The following RBFOX2 variants were observed in gnomAD, a reference collection of about 807,000 sequenced individuals.
The protein encoded by RBFOX2 is RNA binding protein fox-1 homolog 2.
RBFOX2 carries 10 observed loss-of-function variants against 49.1 expected under a neutral mutation model. The ratio of observed to expected loss-of-function variants is 0.20; its 90% CI spans 0.13 to 0.35. The LOEUF (loss-of-function observed/expected upper bound fraction) is 0.35, where lower values mean the gene tolerates loss of function less well. Among genes scored for constraint, RBFOX2 ranks in the 10% least tolerant of loss-of-function variants. RBFOX2 has a pLI of 1.00. For missense variants in RBFOX2, 323 were observed against 486.9 expected, an observed-to-expected ratio of 0.66 and a Z score of 3.17; for synonymous variants, 183 against 187.4, an observed-to-expected ratio of 0.98 and a Z score of 0.19.
At chr22:35,982,286 G>A (rs888952792) in intron 1 of RBFOX2, among the ~76,000 whole-genome samples, 6 of 152,110 alleles carry the variant, frequency 3.9e-5, no homozygotes, top group African/African-American at 1.4e-4. Context: ...TCTTTCTACT[G>A]TTTAAAACAC....
intron 1 of RBFOX2, among the ~76,000 whole-genome samples, chr22:35,892,274 G>A (rs1463376225): frequency 1.3e-5 from 2 of 152,152 alleles, no homozygotes; most frequent in Admixed American, 1.3e-4. Context: ...AAATGGCAGG[G>A]GTGGGATTTA....
intron 2 of RBFOX2, among the ~76,000 whole-genome samples, chr22:35,784,534 G>A (rs1193524339): frequency 6.6e-6 from 1 of 152,376 alleles, no homozygotes; most frequent in South Asian, 2.1e-4. Context: ...CAGGGAGGCA[G>A]GCAGGCAGTC....
At chr22:35,823,297 G>T (rs2148496212) in intron 1 of RBFOX2, among the ~76,000 whole-genome samples, 1 of 152,312 alleles carries the variant, frequency 6.6e-6, no homozygotes. Flanking sequence ...GCTCCCATGG[G>T]TTCCCCCTGG....
intron 4 of RBFOX2, 128 bp from the exon 6 acceptor site, chr22:35,768,477 A>G (rs748114851): frequency 2.5e-5 from 19 of 762,454 alleles, no homozygotes; most frequent in East Asian, 5.3e-5. Flanking sequence ...ATAATCTCCC[A>G]AAGTCACATT....
chr22:35,808,766 T>C (rs923245323), intron 2 of RBFOX2, among the ~76,000 whole-genome samples: 2 of 152,136 alleles, frequency 1.3e-5, no homozygotes, highest in South Asian at 4.1e-4. Context: ...GGAGGATCAC[T>C]TGAGCCCAGG....
chr22:35,746,659 C>T (rs776664547), intron 9 of RBFOX2, 98 bp from the exon 12 acceptor site: 62 of 590,672 alleles, frequency 1.0e-4, no homozygotes, highest in South Asian at 5.7e-4. Flanking sequence ...CACATGTAGA[C>T]ACAGGGACTG....
At chr22:36,018,961 G>C (rs1303964006) in intron 1 of RBFOX2, among the ~76,000 whole-genome samples, 1 of 152,078 alleles carries the variant, frequency 6.6e-6, no homozygotes, top group South Asian at 2.1e-4. Flanking sequence ...CTGGAGAGCG[G>C]GTTTGAAGAG....
chr22:35,930,959 A>C (rs1282024685), intron 1 of RBFOX2, among the ~76,000 whole-genome samples: 3 of 152,268 alleles, frequency 2.0e-5, no homozygotes, highest in Non-Finnish European at 4.4e-5. Context: ...CATGGCAGTG[A>C]GCAGCAGAAG....
At chr22:35,744,390 G>T in intron 11 of RBFOX2, 141 bp from the exon 14 acceptor site, 1 of 743,284 alleles carries the variant, frequency 1.3e-6, no homozygotes, top group Non-Finnish European at 2.1e-6. Flanking sequence ...CTTGTGCAGT[G>T]AAGTCAGGAA....
At chr22:35,787,471 T>C (rs1946653724) in intron 2 of RBFOX2, among the ~76,000 whole-genome samples, 1 of 152,142 alleles carries the variant, frequency 6.6e-6, no homozygotes, top group Non-Finnish European at 1.5e-5. Context: ...ACTAAACTGA[T>C]ACAGGGACTT....
At chr22:35,793,802 TC>T (rs771647861) in intron 2 of RBFOX2, among the ~76,000 whole-genome samples, 2 of 152,224 alleles carry the variant, frequency 1.3e-5, no homozygotes, top group Non-Finnish European at 2.9e-5. Context: ...GTTTGGGCAT[TC>T]AAATGTAAGC....
At chr22:36,015,217 T>C (rs2058987498) in intron 1 of RBFOX2, among the ~76,000 whole-genome samples, 1 of 152,256 alleles carries the variant, frequency 6.6e-6, no homozygotes, top group African/African-American at 2.4e-5. Flanking sequence ...TATGAAACTA[T>C]GACTTCTAGT....
intron 1 of RBFOX2, among the ~76,000 whole-genome samples, chr22:35,876,427 G>A (rs1050347982): frequency 2.0e-5 from 3 of 151,674 alleles, no homozygotes; most frequent in Non-Finnish European, 4.4e-5. Flanking sequence ...AGACTATACC[G>A]AGAAAAGGGA....
At chr22:36,019,719 A>G (rs2059171479) in intron 1 of RBFOX2, among the ~76,000 whole-genome samples, 1 of 152,222 alleles carries the variant, frequency 6.6e-6, no homozygotes, top group African/African-American at 2.4e-5. Flanking sequence ...GATAACAAAT[A>G]TGATTACATA....
At chr22:35,760,448 T>C (rs1938385157) in intron 8 of RBFOX2, among the ~76,000 whole-genome samples, 1 of 152,234 alleles carries the variant, frequency 6.6e-6, no homozygotes, top group South Asian at 2.1e-4. Context: ...TGTTACTATG[T>C]CCACATAATA....
exon 3 of RBFOX2, chr22:35,781,670 G>A (rs1165635225): frequency 3.1e-6 from 5 of 1,614,180 alleles, no homozygotes; most frequent in Non-Finnish European, 3.4e-6. Context: ...CCGTTTCGGG[G>A]TAGATTTACT....
chr22:36,024,081 G>A (rs941715293), intron 1 of RBFOX2, among the ~76,000 whole-genome samples: 1 of 152,094 alleles, frequency 6.6e-6, no homozygotes, highest in African/African-American at 2.4e-5. Flanking sequence ...TATAAAAAGC[G>A]GTTAATCCTT....
chr22:35,969,961 T>A (rs1253453734), intron 1 of RBFOX2, among the ~76,000 whole-genome samples: 1 of 152,198 alleles, frequency 6.6e-6, no homozygotes, highest in Non-Finnish European at 1.5e-5. Context: ...ATCCTAGAGT[T>A]CTGATAAATT....
Position 35,958,959 on chromosome 22 carries a change from CTA to C in RBFOX2, c.42+2602_42+2603del, listed in dbSNP as rs71810155. Reference sequence around the variant, plus strand: ...ATTTTGCAGAAACAGATAGAGAAAACTATATATATATATATATTGTGTAAAGC... The same window carrying C: ...ATTTTGCAGAAACAGATAGAGAAAACTATATATATATATATTGTGTAAAGC... On this transcript the variant is annotated intron_variant, in intron 1 of 5. Transcript: ENST00000408983. 7.7e-4 allele frequency among the ~76,000 whole-genome samples: 97 copies of C among 125,584 alleles called. 1 individual carries two copies. The highest frequency in any genetic ancestry group is 4.6e-3 in the South Asian group (18 of 3,936). 82.4% of individuals were successfully genotyped at this position (125,584 alleles called of 152,430 possible).
Sources: gnomAD v4.1 joint callset for allele counts (sites outside exome capture counted in the v4.1 genomes callset) on GRCh38, gnomAD v4.1.1 for gene constraint, MANE v1.5 for transcripts, NCBI Gene and HGNC (gene_info 2026-07-23, HGNC 2026-07-21) for gene names.